Variants in ROPN1L observed in about 807,000 individuals in gnomAD.
ROPN1L encodes rhophilin associated tail protein 1 like, also known as ropporin-1-like protein.
ROPN1L carries 23 observed loss-of-function variants against 22.7 expected under a neutral mutation model. The observed-to-expected ratio is 1.01, with a 90% CI of 0.73 to 1.43. ROPN1L has a LOEUF of 1.43. ROPN1L is among the 40% of genes most tolerant of loss of function. The pLI is 0.00. For synonymous variants in ROPN1L, 116 were observed against 117.8 expected (o/e 0.98, Z 0.10); for missense variants, 271 against 291.5 (o/e 0.93, Z 0.51).
intron 2 of ROPN1L, among the ~76,000 whole-genome samples, chr5:10,449,134 G>A (rs550342619): frequency 4.6e-5 from 7 of 152,360 alleles, no homozygotes; most frequent in African/African-American, 9.6e-5. Flanking sequence ...TGTAGCTTGC[G>A]AAAAGACATG....
intron 3 of ROPN1L, among the ~76,000 whole-genome samples, chr5:10,455,806 CGGTCAGAGGCTTTTAAAAACCAGTGCTG>C (rs1741402415): frequency 1.5e-4 from 5 of 32,382 alleles, no homozygotes; most frequent in East Asian, 8.6e-4. Context: ...AACCAGTGCT[CGGTCAGAGGCTTTTAAAAACCAGTGCTG>C]GGTCAGAGGC....
chr5:10,475,436 G>A (rs2435992), downstream of ROPN1L, among the ~76,000 whole-genome samples: 23,737 of 152,074 alleles, frequency 0.16, 3,019 homozygotes, highest in East Asian at 0.67. Flanking sequence ...ATCACTCTGT[G>A]GTTTCTCTCT....
intron 1 of ROPN1L, among the ~76,000 whole-genome samples, chr5:10,447,931 T>C (rs982992651): frequency 6.6e-6 from 1 of 151,962 alleles, no homozygotes; most frequent in Non-Finnish European, 1.5e-5. Context: ...CTCCAGCTGA[T>C]TGTGAAGTGG....
At chr5:10,453,060 C>G (rs1741304191) in intron 3 of ROPN1L, among the ~76,000 whole-genome samples, 3 of 152,222 alleles carry the variant, frequency 2.0e-5, no homozygotes. Context: ...CTTGAGCCAC[C>G]TTTGCCAGCA....
intron 3 of ROPN1L, among the ~76,000 whole-genome samples, chr5:10,455,974 A>G (rs1048792019): frequency 8.6e-5 from 13 of 151,408 alleles, no homozygotes; most frequent in Non-Finnish European, 1.8e-4. Context: ...GCCTATTTTC[A>G]TTTCCATGCC....
intron 3 of ROPN1L, among the ~76,000 whole-genome samples, chr5:10,459,462 T>C (rs529767187): frequency 6.6e-6 from 1 of 152,182 alleles, no homozygotes; most frequent in South Asian, 2.1e-4. Flanking sequence ...TAAAACCCTT[T>C]GACACCTTCC....
chr5:10,481,662 C>T, the ROPN1L span, among the ~76,000 whole-genome samples: 1 of 152,186 alleles, frequency 6.6e-6, no homozygotes, highest in South Asian at 2.1e-4. Flanking sequence ...TGCACTGGTT[C>T]CCTATGTCCC....
intron 4 of ROPN1L, among the ~76,000 whole-genome samples, chr5:10,464,238 C>T (rs1303095726): frequency 6.6e-6 from 1 of 152,220 alleles, no homozygotes; most frequent in African/African-American, 2.4e-5. Flanking sequence ...TCCAACCCTC[C>T]TGTCCTCGTG....
chr5:10,462,528 C>T (rs914192444), intron 4 of ROPN1L, among the ~76,000 whole-genome samples: 8 of 152,196 alleles, frequency 5.3e-5, no homozygotes, highest in Non-Finnish European at 1.0e-4. Flanking sequence ...GTCATTAAGA[C>T]TCATTTATCC....
At chr5:10,451,497 G>A (rs555476534) in intron 3 of ROPN1L, among the ~76,000 whole-genome samples, 2 of 152,350 alleles carry the variant, frequency 1.3e-5, no homozygotes, top group African/African-American at 4.8e-5. Context: ...AAAGACATTT[G>A]TGTTGTCAGT....
the ROPN1L span, among the ~76,000 whole-genome samples, chr5:10,481,692 C>T: frequency 1.1e-4 from 16 of 152,144 alleles, no homozygotes; most frequent in African/African-American, 3.4e-4. Flanking sequence ...ATGGGGGTGA[C>T]GTGGGGGGCC....
the ROPN1L span, among the ~76,000 whole-genome samples, chr5:10,477,174 C>G: frequency 6.6e-6 from 1 of 152,234 alleles, no homozygotes; most frequent in Non-Finnish European, 1.5e-5. Context: ...TTTTCAACTA[C>G]TTACAAGTGT....
chr5:10,466,099 A>G (rs555373560), downstream of ROPN1L, among the ~76,000 whole-genome samples: 108 of 152,322 alleles, frequency 7.1e-4, no homozygotes, highest in Middle Eastern at 0.02. Flanking sequence ...CTTTCCTTTT[A>G]TAAAGTTTTC....
exon 5 of ROPN1L, chr5:10,471,926 T>A (rs1253228588): frequency 6.6e-6 from 1 of 152,252 alleles, no homozygotes; most frequent in Non-Finnish European, 1.5e-5. Context: ...AGGAATGTGC[T>A]AGACAAAGAA....
chr5:10,448,108 C>G (rs1741131439), intron 1 of ROPN1L, 152 bp from the exon 2 acceptor site: 1 of 795,708 alleles, frequency 1.3e-6, no homozygotes, highest in African/African-American at 1.7e-5. Flanking sequence ...GTCAGAGAAC[C>G]AAGTGGAGGA....
intron 3 of ROPN1L, 83 bp from the exon 4 acceptor site, chr5:10,461,101 G>A: frequency 2.3e-6 from 3 of 1,301,380 alleles, no homozygotes; most frequent in East Asian, 2.3e-5. Context: ...ATGCTAGAGT[G>A]TTGATTCTGC....
chr5:10,449,878 T>G (rs1194840416), intron 2 of ROPN1L, 74 bp from the exon 3 acceptor site: 2 of 1,325,922 alleles, frequency 1.5e-6, no homozygotes, highest in East Asian at 2.5e-5. Flanking sequence ...TGGTGTGTGT[T>G]GAATATTCAC....
chr5:10,445,444 G>A (rs1741026430), intron 1 of ROPN1L, among the ~76,000 whole-genome samples: 1 of 152,192 alleles, frequency 6.6e-6, no homozygotes, highest in Non-Finnish European at 1.5e-5. Flanking sequence ...GAAGGGTCAC[G>A]AAAGTTAAGC....
intron 3 of ROPN1L, among the ~76,000 whole-genome samples, chr5:10,453,017 G>A (rs1036592899): frequency 6.6e-6 from 1 of 152,210 alleles, no homozygotes; most frequent in African/African-American, 2.4e-5. Context: ...GAATCATGCT[G>A]TGCATCACTG....
Sources: gnomAD v4.1 joint callset for allele counts (sites outside exome capture counted in the v4.1 genomes callset) on GRCh38, gnomAD v4.1.1 for gene constraint, MANE v1.5 for transcripts, NCBI Gene and HGNC (gene_info 2026-07-23, HGNC 2026-07-21) for gene names.